The following XBP1 variants were observed in gnomAD, a reference collection of about 807,000 sequenced individuals.
The protein encoded by XBP1 is X-box binding protein 1, also known as X-box-binding protein 1.
Under a neutral mutation model 34.6 loss-of-function variants are expected in XBP1, and 18 were observed. The observed-to-expected ratio is 0.52, with a 90% CI of 0.36 to 0.77. XBP1 has a LOEUF of 0.77. Among genes scored for constraint, XBP1 ranks in the 30% least tolerant of loss-of-function variants. The probability of loss-of-function intolerance (pLI) is 0.00; values close to 1 mark genes in which losing one functional copy is unlikely to be tolerated. For missense variants in XBP1, 422 were observed against 464.6 expected (o/e 0.91, Z 0.84); for synonymous variants, 191 against 193.4 (o/e 0.99, Z 0.11).
chr22:28,796,901 A>AT, intron 3 of XBP1, 176 bp downstream of exon 3: 3 of 661,564 alleles, frequency 4.5e-6, no homozygotes, highest in Non-Finnish European at 7.2e-6. Flanking sequence ...CACTTAAAAA[A>AT]TGAGTGTCAA....
chr22:28,800,506 C>T (rs5762809), exon 1 of XBP1: 197,906 of 1,488,060 alleles, frequency 0.13, 14,817 homozygotes, highest in South Asian at 0.27. Context: ...GGGTTCGGCG[C>T]GGCTGCCACC....
chr22:28,794,711 A>C (rs1290254327), downstream of XBP1: 1 of 153,174 alleles, frequency 6.5e-6, no homozygotes, highest in Non-Finnish European at 1.5e-5. Flanking sequence ...TGAAGTATAC[A>C]TGAGGGAAAG....
chr22:28,795,577 T>C lies in XBP1; in HGVS notation c.729A>G (p.Ser243=), dbSNP rs1269654932. Reference sequence around the variant, plus strand: ...CATTAATGGCTTCCAGCTTGGCTGATGACGTCCCCACTGACAGAGAAAGGG... The same window carrying C: ...CATTAATGGCTTCCAGCTTGGCTGACGACGTCCCCACTGACAGAGAAAGGG... The change falls in exon 6 of 6, where the codon TCA becomes TCG. Residue 243 remains serine (S), a synonymous_variant. Transcript: ENST00000344347. The C allele has an allele frequency of 4.3e-6, 7 of 1,614,080 alleles. No homozygotes were observed. The African/African-American group carries it at 8.0e-5, about 18-fold the overall frequency.
At chr22:28,795,245 A>G (rs1601436210) in exon 6 of XBP1, 1 of 1,550,608 alleles carries the variant, frequency 6.4e-7, no homozygotes, top group Non-Finnish European at 8.7e-7. Flanking sequence ...TACACCAAGC[A>G]GAGAGGACAT....
chr22:28,800,207 C>T lies in XBP1; in HGVS notation c.227+91G>A, dbSNP rs951047574. On this transcript the variant is annotated intron_variant, in intron 1 of 5. Transcript: ENST00000344347. ...AGGCGACGGAGCCCTGCGGGGCGGC[C>T]AGTGCTGGGTCCCCGCTCCCAGCCC... 4 of 1,413,826 alleles carry T rather than the reference C, an allele frequency of 2.8e-6. No individual in the cohort carries two copies. The African/African-American group carries it at 5.8e-5, about 20-fold the overall frequency. 87.6% of individuals were successfully genotyped at this position (1,413,826 alleles called of 1,614,324 possible).
At chr22:28,798,471 G>A (rs2031792846) in intron 2 of XBP1, among the ~76,000 whole-genome samples, 1 of 151,342 alleles carries the variant, frequency 6.6e-6, no homozygotes, top group Non-Finnish European at 1.5e-5. Flanking sequence ...ACGACACCCG[G>A]CTAATTTTTG....
At chr22:28,794,877 A>G (rs2031714835), downstream of XBP1, 2 of 245,072 alleles carry the variant, frequency 8.2e-6, no homozygotes, top group African/African-American at 2.2e-5. Flanking sequence ...TGACCCTTAC[A>G]TAATAAGTAT....
downstream of XBP1, chr22:28,794,797 C>CA (rs997646381): frequency 1.3e-5 from 2 of 159,476 alleles, no homozygotes; most frequent in African/African-American, 4.8e-5. Context: ...GCCAGGATGC[C>CA]AAAAAGGGGG....
chr22:28,794,944 C>G (rs1428063459), downstream of XBP1: 2 of 387,472 alleles, frequency 5.2e-6, no homozygotes, highest in African/African-American at 4.1e-5. Context: ...AGCTGTAGTT[C>G]TCAATTATAG....
In XBP1 at chr22:28,795,739, G is replaced by A; in HGVS notation, c.574-7C>T. 2 of 1,524,760 alleles carry A rather than the reference G, an allele frequency of 1.3e-6. No individual in the cohort carries two copies. Among genetic ancestry groups the A allele is most frequent in the Non-Finnish European group, 1.8e-6 (2 of 1,139,320 alleles). 94.5% of individuals were successfully genotyped at this position (1,524,760 alleles called of 1,614,324 possible). A position where few individuals can be genotyped will look rare whatever the true frequency, so the allele number is the denominator to read the frequency against. On this transcript the variant is annotated splice_region_variant and splice_polypyrimidine_tract_variant and intron_variant, in intron 5 of 5. Coordinates refer to ENST00000344347, the Ensembl canonical transcript of XBP1. ...TGCCCAACAGGATATCAGACTGTAA[G>A]AGGCAAAAATTAAATGAAGTACAAC...
chr22:28,796,998 A>G, intron 3 of XBP1, 79 bp downstream of exon 3: 4 of 1,512,490 alleles, frequency 2.6e-6, no homozygotes, highest in Non-Finnish European at 3.5e-6. Flanking sequence ...TCAGAAGTCC[A>G]GACTGTAAAC....
At chr22:28,796,004 T>G (rs773786385) in intron 5 of XBP1, 43 bp downstream of exon 5, 1 of 1,611,414 alleles carries the variant, frequency 6.2e-7, no homozygotes, top group Non-Finnish European at 8.5e-7. Flanking sequence ...CAGATGGAAT[T>G]AACTGGTTAT....
chr22:28,795,159 A>G (rs1311790552), downstream of XBP1: 11 of 1,472,664 alleles, frequency 7.5e-6, no homozygotes, highest in Non-Finnish European at 9.9e-6. Context: ...AAAGGGCAAC[A>G]GTATTGGATC....
rs766186125 is a variant in XBP1 at position 28,797,203 on chromosome 22, G to A, written c.327C>T (p.Asn109=). Residue 109 remains asparagine (N), a splice_region_variant and synonymous_variant, in exon 3 of 6, where the codon AAC becomes AAT. Coordinates refer to ENST00000344347, the Ensembl canonical transcript of XBP1. ...GCTGATTTTCTAGCAAAAGTTTTTG[G>A]TTCTGGAAGAAAGTTCATAAGAGGC... 25 of 1,612,110 alleles carry A rather than the reference G, an allele frequency of 1.6e-5. No homozygotes were observed. The South Asian group carries it at 2.4e-4, about 16-fold the overall frequency.
rs76345686 is a variant in XBP1, at chr22:28,797,327, G to A, written c.325-122C>T. ...TTTTGGAAAACTCTATGCTTGTGGT[G>A]TTCATAGTAGGTTTTAAAAAGCTAG... On this transcript the variant is annotated intron_variant, in intron 2 of 5. Coordinates refer to ENST00000344347, the Ensembl canonical transcript of XBP1. 3,177 of 1,168,448 alleles carry A rather than the reference G, an allele frequency of 2.7e-3. 71 individuals are homozygous for A. The African/African-American group carries it at 0.045, about 17-fold the overall frequency. 72.4% of individuals were successfully genotyped at this position (1,168,448 alleles called of 1,614,324 possible).
intron 1 of XBP1, chr22:28,799,970 A>C (rs1448601187): frequency 1.3e-6 from 1 of 779,340 alleles, no homozygotes; most frequent in Non-Finnish European, 2.4e-6. Context: ...CTCATGTCCG[A>C]GTTAAGAGGC....
At position 28,799,163 on chromosome 22, in the gene XBP1, G is replaced by A. The variant is rs756093989; in HGVS notation, c.228-10C>T. The A allele has an allele frequency of 2.5e-6, 4 of 1,608,142 alleles. No homozygotes were observed. In the Admixed American group the frequency reaches 6.7e-5, roughly 27 times the overall value. ...TCTGTTTTTCAGTTTCCTAGGAAGA[G>A]AAGGAACATACCACACTGAGTCATA... On this transcript the variant is annotated splice_polypyrimidine_tract_variant and intron_variant, in intron 1 of 5. Transcript: ENST00000344347.
At position 28,799,160 on chromosome 22, in the gene XBP1, A is replaced by C. The variant is rs750541879; in HGVS notation, c.228-7T>G. The C allele has an allele frequency of 1.1e-5, 17 of 1,611,690 alleles. No individual in the cohort carries two copies. The highest frequency in any genetic ancestry group is 1.4e-5 in the Non-Finnish European group (17 of 1,178,382). On this transcript the variant is annotated splice_region_variant and splice_polypyrimidine_tract_variant and intron_variant, in intron 1 of 5. Coordinates refer to ENST00000344347, the Ensembl canonical transcript of XBP1. The stretch of plus-strand genomic sequence containing the variant: ...TACTCTGTTTTTCAGTTTCCTAGGA[A>C]GAGAAGGAACATACCACACTGAGTC...
At chr22:28,797,014 C>A in intron 3 of XBP1, 63 bp downstream of exon 3, 2 of 1,541,736 alleles carry the variant, frequency 1.3e-6, no homozygotes, top group Non-Finnish European at 1.7e-6. Context: ...TAAACATAAT[C>A]GCTGGGTCAT....
Sources: gnomAD v4.1 joint callset for allele counts (sites outside exome capture counted in the v4.1 genomes callset) on GRCh38, gnomAD v4.1.1 for gene constraint, MANE v1.5 for transcripts, NCBI Gene and HGNC (gene_info 2026-07-23, HGNC 2026-07-21) for gene names.